The following COL24A1 variants were observed in gnomAD, a reference collection of about 807,000 sequenced individuals.
COL24A1 encodes collagen type XXIV alpha 1 chain.
Under a neutral mutation model 253.9 loss-of-function variants are expected in COL24A1, and 224 were observed. That is an observed-to-expected ratio of 0.88 (90% confidence interval 0.79 to 0.99). COL24A1 has a LOEUF of 0.99. Among genes scored for constraint, COL24A1 ranks in the 50% least tolerant of loss-of-function variants. The probability of loss-of-function intolerance (pLI) is 0.00; values close to 1 mark genes in which losing one functional copy is unlikely to be tolerated. For synonymous variants in COL24A1, 685 were observed against 673.7 expected (o/e 1.02, Z -0.26); for missense variants, 2,131 against 2,068.5 (o/e 1.03, Z -0.59).
rs949284922 is a variant in COL24A1, at chr1:85,765,832, T to G, written c.4375-4266A>C. 3.3e-5 allele frequency among the ~76,000 whole-genome samples: 5 copies of G among 152,312 alleles called. No individual in the cohort carries two copies. In the East Asian group the frequency reaches 5.8e-4, roughly 18 times the overall value. On this transcript the variant is annotated intron_variant, in intron 53 of 59. Coordinates refer to ENST00000370571, the MANE Select transcript of COL24A1 (RefSeq NM_152890.7). ...TACTTAGAATTTTACTTAAGTTAAA[T>G]TTTTACTAATTGTATCCCATTATTT...
chr1:85,861,012 C>T (rs1234477418), intron 37 of COL24A1, among the ~76,000 whole-genome samples: 4 of 152,172 alleles, frequency 2.6e-5, no homozygotes, highest in African/African-American at 4.8e-5. Flanking sequence ...CTTGGACATA[C>T]GTACCTAGAA....
At chr1:86,070,416 T>C (rs191861278) in intron 7 of COL24A1, among the ~76,000 whole-genome samples, 20 of 152,242 alleles carry the variant, frequency 1.3e-4, no homozygotes, top group Middle Eastern at 6.8e-3. Flanking sequence ...AGAAAGTTTA[T>C]TGAAAGGGAT....
intron 5 of COL24A1, among the ~76,000 whole-genome samples, chr1:86,109,372 C>A (rs980262939): frequency 6.6e-6 from 1 of 151,770 alleles, no homozygotes; most frequent in African/African-American, 2.4e-5. Flanking sequence ...GCTATTATTA[C>A]CTATTAATAA....
chr1:85,775,456 ATAT>A (rs1231507763), intron 53 of COL24A1, among the ~76,000 whole-genome samples: 25 of 152,144 alleles, frequency 1.6e-4, no homozygotes. Flanking sequence ...GATCTGTCTA[ATAT>A]TGACAGTGGG....
intron 2 of COL24A1, among the ~76,000 whole-genome samples, chr1:86,140,234 G>T (rs1415549601): frequency 6.6e-6 from 1 of 152,114 alleles, no homozygotes. Flanking sequence ...TAAGAAACTT[G>T]CTCAAGGTCA....
chr1:85,769,030 T>C (rs1018421169), intron 53 of COL24A1, among the ~76,000 whole-genome samples: 2 of 151,892 alleles, frequency 1.3e-5, no homozygotes, highest in Non-Finnish European at 2.9e-5. Flanking sequence ...TAAATAAGTC[T>C]TTTAAATTTT....
intron 1 of COL24A1, among the ~76,000 whole-genome samples, chr1:86,152,735 C>G (rs1652938337): frequency 6.6e-6 from 1 of 152,196 alleles, no homozygotes; most frequent in Non-Finnish European, 1.5e-5. Flanking sequence ...CCTAGTAATA[C>G]CACAGAGAAT....
intron 32 of COL24A1, chr1:85,883,936 T>G (rs1682171047): frequency 6.6e-6 from 1 of 152,252 alleles, no homozygotes; most frequent in African/African-American, 2.4e-5. Flanking sequence ...ATTATTATTT[T>G]GTACAAATTG....
intron 28 of COL24A1, among the ~76,000 whole-genome samples, chr1:85,906,303 T>C (rs1684832451): frequency 8.0e-6 from 1 of 125,216 alleles, no homozygotes; most frequent in Admixed American, 8.9e-5. Context: ...AGGATATTTT[T>C]AGAATTTTAA....
chr1:85,778,323 A>G (rs1036103746), intron 52 of COL24A1, among the ~76,000 whole-genome samples: 1 of 151,980 alleles, frequency 6.6e-6, no homozygotes, highest in African/African-American at 2.4e-5. Context: ...AGGCTGGTCT[A>G]AACTTCTGTG....
At chr1:85,951,355 A>G (rs1046946823) in intron 24 of COL24A1, among the ~76,000 whole-genome samples, 2 of 152,162 alleles carry the variant, frequency 1.3e-5, no homozygotes, top group Non-Finnish European at 2.9e-5. Flanking sequence ...CTGGGCGTGG[A>G]GATTAGAAAA....
chr1:86,125,280 G>T lies in COL24A1; in HGVS notation c.1056C>A (p.Thr352=), dbSNP rs762060815. The part of the protein sequence containing the change: ...DTQTNFSLSV[T]THRISEAKMN... ...TTTTTGCCTCACTGATGCGATGAGT[G>T]GTCACTGACAGGCTGAAATTTGTCT... Residue 352 remains threonine, a synonymous_variant, in exon 3 of 60, where the codon ACC becomes ACA. Coordinates refer to ENST00000370571, the MANE Select transcript of COL24A1 (RefSeq NM_152890.7). 1.1e-5 allele frequency: 17 copies of T among 1,613,456 alleles called. No homozygotes were observed. The South Asian group carries it at 1.4e-4, about 14-fold the overall frequency.
chr1:85,836,680 G>A lies in COL24A1; in HGVS notation c.3681+1905C>T, dbSNP rs558519964. Reference sequence around the variant, plus strand: ...CTGGCACAAGATGGCTAACTGTTTAGCATAGAATCATCAATAAATAAAATG... The same window carrying A: ...CTGGCACAAGATGGCTAACTGTTTAACATAGAATCATCAATAAATAAAATG... On this transcript the variant is annotated intron_variant, in intron 43 of 59. Coordinates refer to ENST00000370571, the MANE Select transcript of COL24A1 (RefSeq NM_152890.7). 9.2e-5 allele frequency among the ~76,000 whole-genome samples: 14 copies of A among 152,266 alleles called. No homozygotes were observed. The South Asian group carries it at 2.9e-3, about 32-fold the overall frequency.
At chr1:86,142,985 A>AT (rs1651373612) in intron 2 of COL24A1, among the ~76,000 whole-genome samples, 1 of 152,224 alleles carries the variant, frequency 6.6e-6, no homozygotes, top group African/African-American at 2.4e-5. Context: ...TGCAAGCCAG[A>AT]TAAAAAAAGG....
In COL24A1 at chr1:85,998,436, G is replaced by A. The variant is rs1273184639; in HGVS notation, c.2311-10782C>T. Among the ~76,000 whole-genome samples the A allele has an allele frequency of 2.0e-5, 3 of 152,254 alleles. No homozygotes were observed. The East Asian group carries it at 5.8e-4, about 29-fold the overall frequency. Reference sequence around the variant, plus strand: ...ATACACAACTCTGTTAATATGGCTAGTTAGCATTATTCATACTATACTGTA... The same window carrying A: ...ATACACAACTCTGTTAATATGGCTAATTAGCATTATTCATACTATACTGTA... On this transcript the variant is annotated intron_variant, in intron 19 of 59. Transcript: ENST00000370571.
chr1:85,829,058 G>T (rs1354844791), intron 43 of COL24A1, among the ~76,000 whole-genome samples: 1 of 128,430 alleles, frequency 7.8e-6, no homozygotes, highest in Non-Finnish European at 1.7e-5. Context: ...GCAGTGGCTG[G>T]TACCGGTTGT....
At chr1:85,844,113 A>G (rs555200354) in intron 39 of COL24A1, among the ~76,000 whole-genome samples, 9 of 152,032 alleles carry the variant, frequency 5.9e-5, no homozygotes, top group Non-Finnish European at 1.2e-4. Context: ...CCAAAAAAGG[A>G]AAAGAAAGAA....
chr1:85,874,803 T>C (rs1226689421), intron 34 of COL24A1, 101 bp from the exon 35 acceptor site: 2 of 1,300,232 alleles, frequency 1.5e-6, no homozygotes, highest in African/African-American at 1.5e-5. Flanking sequence ...GCCTGGGCCG[T>C]AGAGGGTACC....
At chr1:85,855,119 T>C (rs1489200048) in intron 37 of COL24A1, among the ~76,000 whole-genome samples, 9 of 152,208 alleles carry the variant, frequency 5.9e-5, no homozygotes, top group Non-Finnish European at 1.2e-4. Flanking sequence ...GTTTATCAGA[T>C]CTAGGAGCCT....
Sources: allele counts gnomAD v4.1 joint callset (sites outside exome capture counted in the v4.1 genomes callset), GRCh38; gene constraint gnomAD v4.1.1; transcripts MANE v1.5; gene names NCBI Gene and HGNC (gene_info 2026-07-23, HGNC 2026-07-21).